The following TTC7A variants were observed in gnomAD, a reference collection of about 807,000 sequenced individuals.
The protein encoded by TTC7A is tetratricopeptide repeat protein 7A.
TTC7A carries 110 observed loss-of-function variants against 103.7 expected under a neutral mutation model. The ratio of observed to expected loss-of-function variants is 1.06; its 90% CI spans 0.91 to 1.24. The LOEUF (loss-of-function observed/expected upper bound fraction) is 1.24. TTC7A is among the 50% of genes most tolerant of loss of function. The pLI, the probability that TTC7A is intolerant of heterozygous loss-of-function variation, is 0.00. For missense variants in TTC7A, 1,340 were observed against 1,116.3 expected, an observed-to-expected ratio of 1.20 and a Z score of -2.86; for synonymous variants, 521 against 467.9, an observed-to-expected ratio of 1.11 and a Z score of -1.47.
At chr2:46,927,482 G>A (rs1263161188) in intron 2 of TTC7A, among the ~76,000 whole-genome samples, 1 of 150,866 alleles carries the variant, frequency 6.6e-6, no homozygotes, top group Non-Finnish European at 1.5e-5. Flanking sequence ...TCAACCTCCA[G>A]AGTAGCTGGG....
intron 4 of TTC7A, among the ~76,000 whole-genome samples, chr2:46,978,578 CAG>C (rs1674110506): frequency 1.3e-5 from 1 of 74,776 alleles, no homozygotes; most frequent in African/African-American, 3.8e-5. Flanking sequence ...AAAAAAAAGA[CAG>C]AGGGCTTGTG....
chr2:47,020,850 G>T (rs1003595796), intron 11 of TTC7A, among the ~76,000 whole-genome samples: 1 of 152,236 alleles, frequency 6.6e-6, no homozygotes, highest in African/African-American at 2.4e-5. Flanking sequence ...TCCTGCTAGC[G>T]GGATGGGCCT....
At chr2:46,938,328 C>T (rs1572662295), upstream of TTC7A, among the ~76,000 whole-genome samples, 1 of 152,134 alleles carries the variant, frequency 6.6e-6, no homozygotes. Context: ...AACTTGATCA[C>T]TATTATACCT....
chr2:47,057,063 G>A (rs557324227), intron 18 of TTC7A, among the ~76,000 whole-genome samples: 3 of 152,252 alleles, frequency 2.0e-5, no homozygotes, highest in Non-Finnish European at 4.4e-5. Context: ...GGCCGTGGGT[G>A]GATGCGGCGC....
At chr2:47,001,046 T>C (rs1158171095) in intron 8 of TTC7A, among the ~76,000 whole-genome samples, 1 of 152,148 alleles carries the variant, frequency 6.6e-6, no homozygotes, top group Non-Finnish European at 1.5e-5. Context: ...CAACCCCCTG[T>C]CTTGTATGCA....
chr2:47,050,677 T>C (rs1172149898), intron 17 of TTC7A: 1 of 152,550 alleles, frequency 6.6e-6, no homozygotes, highest in Non-Finnish European at 1.5e-5. Context: ...GCACCTTTGT[T>C]GTCAAATGAC....
chr2:46,938,702 G>A (rs1670100634), upstream of TTC7A, among the ~76,000 whole-genome samples: 1 of 152,136 alleles, frequency 6.6e-6, no homozygotes, highest in South Asian at 2.1e-4. Flanking sequence ...TGTGGTGGGT[G>A]GTTCATACCT....
chr2:46,998,287 T>C (rs17540462), intron 8 of TTC7A, among the ~76,000 whole-genome samples: 9,965 of 152,274 alleles, frequency 0.065, 374 homozygotes, highest in Non-Finnish European at 0.079. Context: ...GTGTTTCATC[T>C]GCAGTGACCT....
At position 47,042,702 on chromosome 2, in the gene TTC7A, G is replaced by GTGTA. The variant is rs111460716; in HGVS notation, c.1803-3612_1803-3611insGTAT. The stretch of plus-strand genomic sequence containing the variant: ...TGTGTGTGTGTGTGTGTGTGTGTGT[G>GTGTA]TATATATATGTATAAAGTAATTAAG... On this transcript the variant is annotated intron_variant, in intron 15 of 19. Coordinates refer to ENST00000319190, the MANE Select transcript of TTC7A (RefSeq NM_020458.4). 3.6e-3 allele frequency among the ~76,000 whole-genome samples: 513 copies of GTGTA among 142,706 alleles called. 5 individuals carry two copies. The highest frequency in any genetic ancestry group is 0.013 in the African/African-American group (471 of 37,574). 93.6% of individuals were successfully genotyped at this position (142,706 alleles called of 152,430 possible).
At chr2:46,929,490 CATAA>C (rs1558478672) in intron 2 of TTC7A, among the ~76,000 whole-genome samples, 4 of 152,000 alleles carry the variant, frequency 2.6e-5, no homozygotes, top group East Asian at 3.9e-4. Context: ...TCTCAAAATA[CATAA>C]ATAAATAAAG....
At chr2:46,927,155 A>G (rs906440585) in intron 2 of TTC7A, among the ~76,000 whole-genome samples, 1 of 152,066 alleles carries the variant, frequency 6.6e-6, no homozygotes, top group Non-Finnish European at 1.5e-5. Flanking sequence ...ACAGGAGGAG[A>G]GGAGAGAATG....
intron 8 of TTC7A, among the ~76,000 whole-genome samples, chr2:46,996,641 G>A (rs1010369401): frequency 6.6e-6 from 1 of 152,188 alleles, no homozygotes; most frequent in East Asian, 1.9e-4. Flanking sequence ...TTGGATGGGA[G>A]TGCCAGCTGG....
At chr2:46,996,101 G>A (rs1676152331) in intron 8 of TTC7A, among the ~76,000 whole-genome samples, 1 of 152,262 alleles carries the variant, frequency 6.6e-6, no homozygotes, top group African/African-American at 2.4e-5. Context: ...ACCAAGGAAT[G>A]TTTGCCCAGG....
chr2:46,924,953 C>G (rs181627100), intron 2 of TTC7A, among the ~76,000 whole-genome samples: 28 of 152,286 alleles, frequency 1.8e-4, no homozygotes, highest in Middle Eastern at 3.4e-3. Context: ...CAAGAGTACT[C>G]TTAGTTTTTG....
chr2:46,955,617 T>C (rs1671788045), intron 2 of TTC7A, among the ~76,000 whole-genome samples: 1 of 152,062 alleles, frequency 6.6e-6, no homozygotes, highest in African/African-American at 2.4e-5. Flanking sequence ...GGAATGTGGA[T>C]TTACAAAGGC....
intron 11 of TTC7A, among the ~76,000 whole-genome samples, chr2:47,017,486 A>T (rs1362447297): frequency 2.0e-5 from 3 of 152,202 alleles, no homozygotes; most frequent in Non-Finnish European, 4.4e-5. Context: ...GCAGTGAGCT[A>T]TGGTCATGCC....
At chr2:46,923,755 A>G in intron 2 of TTC7A, among the ~76,000 whole-genome samples, 1 of 151,804 alleles carries the variant, frequency 6.6e-6, no homozygotes. Flanking sequence ...TTTTGGAGAC[A>G]AAGTCTCACT....
At chr2:47,000,129 G>A (rs1339989910) in intron 8 of TTC7A, among the ~76,000 whole-genome samples, 1 of 152,022 alleles carries the variant, frequency 6.6e-6, no homozygotes, top group African/African-American at 2.4e-5. Flanking sequence ...GGTACATTTT[G>A]GTTGTTCAAT....
chr2:46,963,900 C>G (rs890737428), intron 3 of TTC7A, among the ~76,000 whole-genome samples: 4 of 152,156 alleles, frequency 2.6e-5, no homozygotes, highest in Non-Finnish European at 5.9e-5. Context: ...TGCCCAGCAC[C>G]TAGGATACTG....
Sources: allele counts gnomAD v4.1 joint callset (sites outside exome capture counted in the v4.1 genomes callset), GRCh38; gene constraint gnomAD v4.1.1; transcripts MANE v1.5; gene names NCBI Gene and HGNC (gene_info 2026-07-23, HGNC 2026-07-21).